ARPC4: variants seen among roughly 807,000 people sequenced by gnomAD.
ARPC4 encodes actin related protein 2/3 complex subunit 4.
A neutral mutation model predicts 22.8 loss-of-function variants in ARPC4; 3 were observed. The observed-to-expected ratio is 0.13, with a 90% CI of 0.06 to 0.34. The LOEUF (loss-of-function observed/expected upper bound fraction) is 0.34, where lower values mean the gene tolerates loss of function less well. Among genes scored for constraint, ARPC4 ranks in the 10% least tolerant of loss-of-function variants. The pLI is 1.00. For missense variants in ARPC4, 98 were observed against 211.0 expected (o/e 0.46, Z 3.32); for synonymous variants, 80 against 72.5 (o/e 1.10, Z -0.52).
intron 2 of ARPC4, 107 bp from the exon 3 acceptor site, chr3:9,800,078 T>G: frequency 1.8e-6 from 2 of 1,111,472 alleles, no homozygotes; most frequent in Non-Finnish European, 2.6e-6. Flanking sequence ...GTGAGTCTTC[T>G]ATTCCTTGGA....
chr3:9,799,830 A>T (rs143882281), intron 2 of ARPC4: 4 of 469,648 alleles, frequency 8.5e-6, no homozygotes, highest in Non-Finnish European at 1.3e-5. Flanking sequence ...AGCTCCTACT[A>T]TGTGCCAGGC....
upstream of ARPC4, chr3:9,793,043 T>C (rs2078782666): frequency 6.5e-7 from 1 of 1,543,284 alleles, no homozygotes; most frequent in African/African-American, 1.4e-5. Flanking sequence ...AGACCGTAGC[T>C]GCGCTTCTCG....
At chr3:9,802,088 A>C (rs141530777) in intron 4 of ARPC4, among the ~76,000 whole-genome samples, 4,436 of 151,448 alleles carry the variant, frequency 0.029, 201 homozygotes, top group African/African-American at 0.1. Context: ...AAAATACAAA[A>C]ATTAGCTGGG....
At chr3:9,794,049 T>G (rs1056020652) in intron 1 of ARPC4, among the ~76,000 whole-genome samples, 3 of 152,216 alleles carry the variant, frequency 2.0e-5, no homozygotes, top group Non-Finnish European at 2.9e-5. Flanking sequence ...CTCATGTCTC[T>G]GCTAAAAATC....
chr3:9,806,054 T>C (rs2079100836), intron 5 of ARPC4, among the ~76,000 whole-genome samples, 156 bp from the exon 6 acceptor site: 1 of 152,228 alleles, frequency 6.6e-6, no homozygotes, highest in Non-Finnish European at 1.5e-5. Context: ...GAAAGCTGGC[T>C]GAATTAGAGC....
At chr3:9,804,126 C>A in intron 5 of ARPC4, 113 bp downstream of exon 5, 1 of 1,216,172 alleles carries the variant, frequency 8.2e-7, no homozygotes, top group Non-Finnish European at 1.1e-6. Context: ...ATCTCCTGAG[C>A]TCTCTAGGAC....
intron 4 of ARPC4, among the ~76,000 whole-genome samples, chr3:9,802,103 G>A (rs1165652330): frequency 6.6e-6 from 1 of 151,632 alleles, no homozygotes; most frequent in Non-Finnish European, 1.5e-5. Flanking sequence ...GCTGGGCATG[G>A]TGGTGGGCGC....
Position 9,801,872 on chromosome 3 carries a change from G to C in ARPC4, c.330+116G>C, listed in dbSNP as rs1575331332. 5.7e-6 allele frequency: 6 copies of C among 1,061,254 alleles called. No individual in the cohort carries two copies. The East Asian group carries it at 1.7e-4, about 29-fold the overall frequency. 65.7% of individuals were successfully genotyped at this position (1,061,254 alleles called of 1,614,324 possible). A position where few individuals can be genotyped will look rare whatever the true frequency, so the allele number is the denominator to read the frequency against. On this transcript the variant is annotated intron_variant, in intron 4 of 5. Transcript: ENST00000397261. Reference sequence around the variant, plus strand: ...TTGGCACCCACTGCCTGAATTGAGAGTTGGCCTTCATCTTGGAGTGGGAGC... The same window carrying C: ...TTGGCACCCACTGCCTGAATTGAGACTTGGCCTTCATCTTGGAGTGGGAGC...
chr3:9,798,998 A>G (rs2078954128), intron 2 of ARPC4, among the ~76,000 whole-genome samples: 1 of 152,220 alleles, frequency 6.6e-6, no homozygotes, highest in African/African-American at 2.4e-5. Context: ...ACTGATAAAG[A>G]TGTTAGGATA....
intron 4 of ARPC4, 112 bp from the exon 5 acceptor site, chr3:9,803,731 C>T: frequency 2.5e-6 from 3 of 1,205,650 alleles, no homozygotes; most frequent in Non-Finnish European, 3.6e-6. Context: ...GAGAAGATCA[C>T]AGCCAGTGGG....
intron 5 of ARPC4, among the ~76,000 whole-genome samples, chr3:9,805,521 A>T (rs979021482): frequency 1.3e-5 from 2 of 151,584 alleles, no homozygotes; most frequent in Non-Finnish European, 2.9e-5. Context: ...CGCATGCCTC[A>T]TGTGCAGGGG....
chr3:9,796,954 A>AT (rs1388431201), intron 1 of ARPC4, among the ~76,000 whole-genome samples: 2 of 151,600 alleles, frequency 1.3e-5, no homozygotes, highest in Non-Finnish European at 2.9e-5. Context: ...AAAAAAAAAA[A>AT]AAAAAGAATG....
intron 1 of ARPC4, among the ~76,000 whole-genome samples, chr3:9,796,478 C>G (rs2078890353): frequency 6.6e-6 from 1 of 152,156 alleles, no homozygotes; most frequent in Non-Finnish European, 1.5e-5. Context: ...AGGTCTCTCT[C>G]AAGAGGCCTT....
At chr3:9,792,725 G>A, upstream of ARPC4, 3 of 1,236,026 alleles carry the variant, frequency 2.4e-6, no homozygotes, top group Non-Finnish European at 3.0e-6. Context: ...GCGAGAGAAA[G>A]GATGGGGGTA....
chr3:9,801,212 GAAAAAAAAAAAAAA>G (rs745696982), intron 3 of ARPC4, among the ~76,000 whole-genome samples: 1 of 66,428 alleles, frequency 1.5e-5, no homozygotes, highest in South Asian at 9.3e-4. Flanking sequence ...TTCCATCTCA[GAAAAAAAAAAAAAA>G]AAAAAAAAAA....
chr3:9,801,882 A>G (rs753449955), intron 4 of ARPC4, 126 bp downstream of exon 4: 23 of 968,240 alleles, frequency 2.4e-5, no homozygotes, highest in Non-Finnish European at 3.4e-5. Flanking sequence ...GTTGGCCTTC[A>G]TCTTGGAGTG....
chr3:9,799,576 G>A (rs1384212625), intron 2 of ARPC4, among the ~76,000 whole-genome samples: 5 of 151,918 alleles, frequency 3.3e-5, no homozygotes, highest in African/African-American at 1.2e-4. Flanking sequence ...CTGAGTATCT[G>A]GGATTATAGG....
At chr3:9,796,222 C>T (rs921602236) in intron 1 of ARPC4, among the ~76,000 whole-genome samples, 5 of 152,124 alleles carry the variant, frequency 3.3e-5, no homozygotes, top group Admixed American at 1.3e-4. Context: ...GGTGAAACTC[C>T]GTCTCTACTA....
intron 4 of ARPC4, among the ~76,000 whole-genome samples, chr3:9,802,672 G>A (rs2079036625): frequency 1.0e-5 from 1 of 99,074 alleles, no homozygotes; most frequent in Non-Finnish European, 2.0e-5. Flanking sequence ...ACCGCGCCTG[G>A]CCTTTTTTTT....
Sources: allele counts gnomAD v4.1 joint callset (sites outside exome capture counted in the v4.1 genomes callset), GRCh38; gene constraint gnomAD v4.1.1; transcripts MANE v1.5; gene names NCBI Gene and HGNC (gene_info 2026-07-23, HGNC 2026-07-21).